Variants in PRPF40B observed in about 807,000 individuals in gnomAD.
PRPF40B encodes the protein pre-mRNA processing factor 40B.
Under a neutral mutation model 124.5 loss-of-function variants are expected in PRPF40B, and 56 were observed. The ratio of observed to expected loss-of-function variants is 0.45; its 90% confidence interval spans 0.36 to 0.56. The LOEUF is 0.56. Ranked by LOEUF, PRPF40B falls within the 20% of genes least tolerant of loss-of-function variation. The pLI is 0.00. For synonymous variants in PRPF40B, 443 were observed against 426.4 expected (o/e 1.04, Z -0.48); for missense variants, 1,053 against 1,169.5 (o/e 0.90, Z 1.45).
Position 49,633,121 on chromosome 12 carries a change from A to T in PRPF40B, c.456A>T (p.Ala152=), listed in dbSNP as rs1347867794. ...AGCCCAGCGTGCTCAAGTCCAAGGC[A>T]GAGGTCCTGAGCTGGGCTTTCTGGC... is the stretch of plus-strand genomic sequence containing the variant. The part of the protein sequence containing the change: ...WEKPSVLKSK[A]ELLLSQCPWK... Residue 152 remains alanine (A), a synonymous_variant, in exon 7 of 26, where the codon GCA becomes GCT. Coordinates refer to ENST00000548825, the MANE Select transcript of PRPF40B (RefSeq NM_001031698.3). The T allele has an allele frequency of 2.5e-6, 4 of 1,590,862 alleles. No homozygotes were observed. The highest frequency in any genetic ancestry group is 3.4e-6 in the Non-Finnish European group (4 of 1,169,336).
In PRPF40B at chr12:49,640,572, CAT is replaced by C. The variant is rs564324612; in HGVS notation, c.1768-1335_1768-1334del. On this transcript the variant is annotated intron_variant, in intron 18 of 25. Coordinates refer to ENST00000548825, the MANE Select transcript of PRPF40B (RefSeq NM_001031698.3). ...TCATGGAGGTGGCATGGGGGCAGCA[CAT>C]GTTTTAGAGTCAGATTACTCCTGGT... The C allele has an allele frequency of 3.5e-3, 533 of 152,242 alleles. 6 individuals are homozygous for C. Among genetic ancestry groups the C allele is most frequent in the Non-Finnish European group, 3.3e-3 (223 of 68,008 alleles). The allele number at this position is 152,242 out of a possible 1,614,324, so 9.4% of individuals were successfully genotyped here.
chr12:49,633,301 G>C, intron 7 of PRPF40B, 126 bp from the exon 8 acceptor site: 3 of 1,424,432 alleles, frequency 2.1e-6, no homozygotes, highest in Non-Finnish European at 2.9e-6. Context: ...ACCTTCCCCA[G>C]TTTGAACCAG....
chr12:49,641,988 A>C lies in PRPF40B; in HGVS notation c.1848A>C (p.Ala616=), dbSNP rs771166750. 2 of 1,613,702 alleles carry C rather than the reference A, an allele frequency of 1.2e-6. No homozygotes were observed. Among genetic ancestry groups the C allele is most frequent in the Non-Finnish European group, 1.7e-6 (2 of 1,180,026 alleles). Residue 616 remains alanine, a synonymous_variant, in exon 19 of 26, where the codon GCA becomes GCC. Coordinates refer to ENST00000548825, the MANE Select transcript of PRPF40B (RefSeq NM_001031698.3). The part of the protein sequence containing the change: ...HVISFDKRAA[A]LDAGNIKLTF... ...TAAGCTTTGACAAGAGGGCTGCCGC[A>C]CTGGACGCAGGCAACATCAAGCTGA...
At chr12:49,643,169 G>A (rs762089237) in intron 22 of PRPF40B, 54 bp from the exon 23 acceptor site, 2 of 1,603,238 alleles carry the variant, frequency 1.2e-6, no homozygotes, top group Non-Finnish European at 1.7e-6. Flanking sequence ...CCAGACGAGG[G>A]CTTCTGGAGG....
upstream of PRPF40B, chr12:49,623,531 A>T: frequency 1.6e-6 from 2 of 1,243,242 alleles, no homozygotes; most frequent in Non-Finnish European, 2.0e-6. Context: ...GGCCTGGCCA[A>T]TCAGAGCGGC....
chr12:49,642,312 C>T lies in PRPF40B; in HGVS notation c.1962C>T (p.Ala654=). The change falls in exon 20 of 26, where the codon GCC becomes GCT. Residue 654 remains alanine, a synonymous_variant. Transcript: ENST00000548825. The surrounding 1 kb of genome is among the most constrained non-coding windows in gnomAD (Gnocchi z 5.8). Reference sequence around the variant, plus strand: ...GCAGGATGCGGCGCAGGGAAGCTGCCTTTCGAAGCATGCTGAGGCAGGCTG... The same window carrying T: ...GCAGGATGCGGCGCAGGGAAGCTGCTTTTCGAAGCATGCTGAGGCAGGCTG... The part of the protein sequence containing the change: ...EARRMRRREA[A]FRSMLRQAVP... 1.2e-6 allele frequency: 2 copies of T among 1,614,172 alleles called. No individual in the cohort carries two copies. Among genetic ancestry groups the T allele is most frequent in the Non-Finnish European group, 1.7e-6 (2 of 1,180,044 alleles).
At chr12:49,632,304 A>C (rs1941299506) in intron 4 of PRPF40B, 1 of 565,052 alleles carries the variant, frequency 1.8e-6, no homozygotes, top group Middle Eastern at 2.6e-4. Flanking sequence ...AGTGTAGCAG[A>C]GTCTGGGTAG....
intron 1 of PRPF40B, 33 bp downstream of exon 1, chr12:49,623,626 G>T: frequency 8.1e-7 from 1 of 1,231,546 alleles, no homozygotes; most frequent in Non-Finnish European, 1.0e-6. Context: ...GAGGGGCTCG[G>T]GGCGGTCCCA....
chr12:49,635,162 G>A lies in PRPF40B; in HGVS notation c.1065G>A (p.Lys355=), dbSNP rs1941639743. 6.2e-7 allele frequency: 1 copy of A among 1,614,098 alleles called. No homozygotes were observed. Among genetic ancestry groups the A allele is most frequent in the Non-Finnish European group, 8.5e-7 (1 of 1,180,006 alleles). ...AFNAYKAQRE[K]EEKEEARLRA... is the part of the protein sequence containing the mutation. The stretch of plus-strand genomic sequence containing the variant: ...ATGCCTACAAGGCGCAGCGGGAGAA[G>A]GAGGAGAAGGAGGAGGCCCGGCTAA... The change falls in exon 13 of 26, where the codon AAG becomes AAA. Residue 355 remains lysine, a synonymous_variant. Coordinates refer to ENST00000548825, the MANE Select transcript of PRPF40B (RefSeq NM_001031698.3). This position sits in a 1 kb window ranked among gnomAD's most constrained non-coding sequence, Gnocchi z 4.1.
chr12:49,625,428 GTGTT>G (rs1940617141), intron 1 of PRPF40B, among the ~76,000 whole-genome samples: 1 of 152,200 alleles, frequency 6.6e-6, no homozygotes, highest in South Asian at 2.1e-4. Context: ...GATTAAATGA[GTGTT>G]TGACACAGTA....
intron 1 of PRPF40B, among the ~76,000 whole-genome samples, chr12:49,625,549 A>G (rs1253181860): frequency 1.3e-5 from 2 of 151,632 alleles, no homozygotes; most frequent in Non-Finnish European, 2.9e-5. Flanking sequence ...TTCTCCTTTT[A>G]TTCTTCTGAG....
At chr12:49,634,917 G>A in intron 12 of PRPF40B, 182 bp from the exon 13 acceptor site, 1 of 697,080 alleles carries the variant, frequency 1.4e-6, no homozygotes, top group Non-Finnish European at 2.3e-6. Flanking sequence ...GTGTCTTGGA[G>A]CTGCATCTCT....
At chr12:49,627,073 T>G (rs138539076) in intron 1 of PRPF40B, among the ~76,000 whole-genome samples, 1 of 152,198 alleles carries the variant, frequency 6.6e-6, no homozygotes, top group Non-Finnish European at 1.5e-5. Flanking sequence ...AGCACCTAGT[T>G]TGTACCCATA....
At position 49,642,253 on chromosome 12, in the gene PRPF40B, G is replaced by T. The variant is rs1565850433; in HGVS notation, c.1903G>T (p.Ala635Ser). The T allele has an allele frequency of 6.2e-7, 1 of 1,614,164 alleles. No homozygotes were observed. Among genetic ancestry groups the T allele is most frequent in the South Asian group, 1.1e-5 (1 of 91,084 alleles). Reference sequence around the variant, plus strand: ...TCCTCAGCTGCTGGAGAAAGCAGAGGCACGGGAGAGGGAGCGGGAGAAGGA... The same window carrying T: ...TCCTCAGCTGCTGGAGAAAGCAGAGTCACGGGAGAGGGAGCGGGAGAAGGA... ...TFNSLLEKAE[A>S]REREREKEEA... Residue 635 changes from alanine to serine, a missense_variant, in exon 20 of 26, where the codon GCA becomes TCA. By Grantham distance (99) the Ala-to-Ser change is moderately conservative. Coordinates refer to ENST00000548825, the MANE Select transcript of PRPF40B (RefSeq NM_001031698.3). The surrounding 1 kb of genome is among the most constrained non-coding windows in gnomAD (Gnocchi z 5.8).
Position 49,642,339 on chromosome 12 carries a change from G to C in PRPF40B, c.1989G>C (p.Val663=). ...TTCGAAGCATGCTGAGGCAGGCTGT[G>C]CCTGCTCTGGAGCTAGGCACTGCCT... The part of the protein sequence containing the change: ...AAFRSMLRQA[V]PALELGTAWE... Residue 663 remains valine, a synonymous_variant, in exon 20 of 26, where the codon GTG becomes GTC. Coordinates refer to ENST00000548825, the MANE Select transcript of PRPF40B (RefSeq NM_001031698.3). This position sits in a 1 kb window ranked among gnomAD's most constrained non-coding sequence, Gnocchi z 5.8. 6.2e-7 allele frequency: 1 copy of C among 1,614,008 alleles called. No individual in the cohort carries two copies. Among genetic ancestry groups the C allele is most frequent in the Non-Finnish European group, 8.5e-7 (1 of 1,180,040 alleles).
chr12:49,623,754 ATGGGGGCGGGGAC>A, intron 1 of PRPF40B, 161 bp downstream of exon 1: 1 of 81,494 alleles, frequency 1.2e-5, no homozygotes. Context: ...GGGAGGGGGG[ATGGGGGCGGGGAC>A]TGGGGGCGAA....
At position 49,642,538 on chromosome 12, in the gene PRPF40B, G is replaced by A. The variant is rs1393230262; in HGVS notation, c.2023-42G>A. On this transcript the variant is annotated intron_variant, in intron 20 of 25. Transcript: ENST00000548825. The surrounding 1 kb of genome is among the most constrained non-coding windows in gnomAD (Gnocchi z 5.8). The stretch of plus-strand genomic sequence containing the variant: ...CTCATGGCGGTGTCCAGGCCAGGCT[G>A]AGTGGGGCCTAGTCTGATCAGCAGT... The A allele has an allele frequency of 2.5e-6, 4 of 1,607,484 alleles. No individual in the cohort carries two copies. The highest frequency in any genetic ancestry group is 3.4e-6 in the Non-Finnish European group (4 of 1,174,248).
intron 4 of PRPF40B, chr12:49,632,208 A>T (rs1941291000): frequency 6.8e-6 from 4 of 590,976 alleles, no homozygotes; most frequent in Non-Finnish European, 1.2e-5. Flanking sequence ...CTGTGGACAC[A>T]TGAATATAGT....
rs1941661396 is a variant in PRPF40B at position 49,635,316 on chromosome 12, C to T, written c.1167-49C>T. 1 of 1,609,036 alleles carries T rather than the reference C, an allele frequency of 6.2e-7. No homozygotes were observed. The highest frequency in any genetic ancestry group is 2.2e-5 in the East Asian group (1 of 44,842). ...TGGGAACCCTGAGAACACAAAGGTC[C>T]AGGGTCTCTGTTCTCTGTCTACCTA... On this transcript the variant is annotated intron_variant, in intron 13 of 25. Transcript: ENST00000548825. The surrounding 1 kb of genome is among the most constrained non-coding windows in gnomAD (Gnocchi z 4.1).
Sources: gnomAD v4.1 joint callset for allele counts (sites outside exome capture counted in the v4.1 genomes callset) on GRCh38, gnomAD v4.1.1 for gene constraint, Gnocchi (gnomAD v3.1) non-coding constraint, MANE v1.5 for transcripts, NCBI Gene and HGNC (gene_info 2026-07-23, HGNC 2026-07-21) for gene names.